Variants in CRY1 observed in about 807,000 individuals in gnomAD.
CRY1 encodes the protein cryptochrome-1.
In CRY1, 45 loss-of-function variants were observed where a neutral mutation model predicts 76.0. The observed-to-expected ratio is 0.59, with a 90% CI of 0.47 to 0.76. CRY1 has a LOEUF of 0.76. Ranked by LOEUF, CRY1 falls within the 30% of genes least tolerant of loss-of-function variation. The probability of loss-of-function intolerance (pLI) is 0.00; values close to 1 mark genes in which losing one functional copy is unlikely to be tolerated. For synonymous variants in CRY1, 248 were observed against 244.0 expected (o/e 1.02, Z -0.15); for missense variants, 587 against 716.4 (o/e 0.82, Z 2.06).
chr12:107,054,113 T>G (rs1174724227), intron 1 of CRY1, among the ~76,000 whole-genome samples: 1 of 152,170 alleles, frequency 6.6e-6, no homozygotes, highest in East Asian at 1.9e-4. Flanking sequence ...ATAGTAGATA[T>G]GTGGGTAAAT....
chr12:107,054,503 A>G (rs189144073), intron 1 of CRY1, among the ~76,000 whole-genome samples: 2 of 151,892 alleles, frequency 1.3e-5, no homozygotes, highest in Non-Finnish European at 2.9e-5. Flanking sequence ...ACAAAATAAT[A>G]TGACAATAAA....
At chr12:106,992,031 G>A (rs1013066349) in intron 12 of CRY1, 30 bp from the exon 13 acceptor site, 1 of 151,976 alleles carries the variant, frequency 6.6e-6, no homozygotes, top group African/African-American at 2.4e-5. Flanking sequence ...AAAAAACTAG[G>A]TAAAGCTTGA....
intron 1 of CRY1, among the ~76,000 whole-genome samples, chr12:107,058,309 C>A (rs114842978): frequency 1.3e-5 from 2 of 152,028 alleles, no homozygotes; most frequent in African/African-American, 4.8e-5. Flanking sequence ...CACACTCACA[C>A]GCTTCAATAA....
At chr12:107,018,542 G>A (rs1479450065) in intron 2 of CRY1, among the ~76,000 whole-genome samples, 2 of 151,718 alleles carry the variant, frequency 1.3e-5, no homozygotes, top group Admixed American at 6.5e-5. Context: ...AGCCAAGACA[G>A]CACTACTGCA....
At chr12:107,034,095 T>G (rs1428199819) in intron 1 of CRY1, among the ~76,000 whole-genome samples, 1 of 151,376 alleles carries the variant, frequency 6.6e-6, no homozygotes, top group African/African-American at 2.4e-5. Context: ...AAGATACAGG[T>G]CATAAAGACC....
intron 2 of CRY1, among the ~76,000 whole-genome samples, chr12:107,010,763 G>A (rs1045571931): frequency 2.6e-5 from 4 of 151,966 alleles, no homozygotes; most frequent in African/African-American, 9.7e-5. Flanking sequence ...GATCTCTGAT[G>A]CTACTATTGT....
At chr12:107,092,370 C>T (rs1953482540) in intron 1 of CRY1, among the ~76,000 whole-genome samples, 2 of 152,168 alleles carry the variant, frequency 1.3e-5, no homozygotes, top group Non-Finnish European at 2.9e-5. Context: ...GATCTGGAGC[C>T]TGCTGTACTG....
chr12:107,070,938 T>C (rs1953183968), intron 1 of CRY1, among the ~76,000 whole-genome samples: 1 of 151,422 alleles, frequency 6.6e-6, no homozygotes, highest in Non-Finnish European at 1.5e-5. Flanking sequence ...TCTCCTGACC[T>C]GGTGATCCCC....
At chr12:107,041,995 T>C (rs1022208813) in intron 1 of CRY1, among the ~76,000 whole-genome samples, 9 of 151,982 alleles carry the variant, frequency 5.9e-5, no homozygotes, top group Non-Finnish European at 8.8e-5. Flanking sequence ...TCAAGACAAA[T>C]AGGATTGGTG....
At chr12:107,087,412 C>T (rs888668093) in intron 1 of CRY1, among the ~76,000 whole-genome samples, 1 of 152,232 alleles carries the variant, frequency 6.6e-6, no homozygotes, top group African/African-American at 2.4e-5. Context: ...GATGGGGCTG[C>T]CCAAGGCTTC....
intron 1 of CRY1, among the ~76,000 whole-genome samples, chr12:107,080,311 T>C (rs1953306245): frequency 6.6e-6 from 1 of 152,040 alleles, no homozygotes; most frequent in Non-Finnish European, 1.5e-5. Flanking sequence ...TGAGGTAATG[T>C]CATATATTCA....
rs747159927 is a variant in CRY1 at position 106,992,904 on chromosome 12, A to G, written c.1658-14T>C. Reference sequence around the variant, plus strand: ...TGGAGCTTCTTCCTGCACATTTAAAAAATGTATGTTTAAGATAGGAAAAGG... The same window carrying G: ...TGGAGCTTCTTCCTGCACATTTAAAGAATGTATGTTTAAGATAGGAAAAGG... On this transcript the variant is annotated splice_polypyrimidine_tract_variant and intron_variant, in intron 11 of 12. Transcript: ENST00000008527. 1 of 1,613,940 alleles carries G rather than the reference A, an allele frequency of 6.2e-7. No homozygotes were observed. The highest frequency in any genetic ancestry group is 8.5e-7 in the Non-Finnish European group (1 of 1,179,904).
In CRY1 at chr12:107,086,305, T is replaced by C. The variant is rs530665026; in HGVS notation, c.158+6499A>G. ...ATTTGAAAAATTTACAACCTAACCA[T>C]GTGGTAGAGGGAAGTTTTCAGGAGA... On this transcript the variant is annotated intron_variant, in intron 1 of 12. Coordinates refer to ENST00000008527, the MANE Select transcript of CRY1 (RefSeq NM_004075.5). Among the ~76,000 whole-genome samples, 24 of 152,176 alleles carry C rather than the reference T, an allele frequency of 1.6e-4. 1 individual carries two copies. Among genetic ancestry groups the C allele is most frequent in the Non-Finnish European group, 2.8e-4 (19 of 68,042 alleles).
intron 2 of CRY1, among the ~76,000 whole-genome samples, chr12:107,020,193 A>G (rs1217715221): frequency 1.3e-5 from 2 of 151,762 alleles, no homozygotes; most frequent in Non-Finnish European, 2.9e-5. Flanking sequence ...AAGCAAAAAA[A>G]AAAAAAAAGG....
chr12:107,002,955 T>C (rs1952328828), intron 3 of CRY1, among the ~76,000 whole-genome samples: 2 of 152,190 alleles, frequency 1.3e-5, no homozygotes, highest in Admixed American at 1.3e-4. Flanking sequence ...CCGTGTGGAA[T>C]TGTAAGTCCA....
chr12:107,029,223 G>T (rs1173372629), intron 1 of CRY1, among the ~76,000 whole-genome samples: 1 of 151,944 alleles, frequency 6.6e-6, no homozygotes, highest in Non-Finnish European at 1.5e-5. Context: ...TTATTTTGAG[G>T]GATTACTCTG....
At chr12:107,083,191 C>G (rs1225825182) in intron 1 of CRY1, among the ~76,000 whole-genome samples, 4 of 152,100 alleles carry the variant, frequency 2.6e-5, no homozygotes, top group Non-Finnish European at 5.9e-5. Flanking sequence ...GAAATTGAGG[C>G]AGTAATTAGT....
chr12:107,093,113 G>T lies in CRY1; in HGVS notation c.-152C>A. The T allele has an allele frequency of 1.1e-6, 1 of 920,102 alleles. No homozygotes were observed. The highest frequency in any genetic ancestry group is 3.5e-4 in the Middle Eastern group (1 of 2,872). 57.0% of individuals were successfully genotyped at this position (920,102 alleles called of 1,614,324 possible). A position where few individuals can be genotyped will look rare whatever the true frequency, so the allele number is the denominator to read the frequency against. On this transcript the variant is annotated 5_prime_UTR_variant, in exon 1 of 13. Coordinates refer to ENST00000008527, the MANE Select transcript of CRY1 (RefSeq NM_004075.5). The stretch of plus-strand genomic sequence containing the variant: ...CAGGAAAAAATGACTCCGAGGAGGG[G>T]ACCGGAGAAGGCGGGGGCGCCGGAG...
At chr12:107,076,049 T>C (rs1010389915) in intron 1 of CRY1, among the ~76,000 whole-genome samples, 3 of 152,024 alleles carry the variant, frequency 2.0e-5, no homozygotes, top group East Asian at 1.9e-4. Flanking sequence ...GTAAAAATAC[T>C]AGATAGGCAA....
Sources: gnomAD v4.1 joint callset for allele counts (sites outside exome capture counted in the v4.1 genomes callset) on GRCh38, gnomAD v4.1.1 for gene constraint, MANE v1.5 for transcripts, NCBI Gene and HGNC (gene_info 2026-07-23, HGNC 2026-07-21) for gene names.